The following CA10 variants were observed in gnomAD, a reference collection of about 807,000 sequenced individuals.
CA10 encodes carbonic anhydrase-related protein 10.
CA10 carries 14 observed loss-of-function variants against 44.2 expected under a neutral mutation model. The ratio of observed to expected loss-of-function variants is 0.32; its 90% CI spans 0.21 to 0.50. The LOEUF (loss-of-function observed/expected upper bound fraction) is 0.50. CA10 is among the 20% of genes least tolerant of loss of function. The pLI, the probability that CA10 is intolerant of heterozygous loss-of-function variation, is 0.99. For missense variants in CA10, 350 were observed against 409.7 expected (o/e 0.85, Z 1.26); for synonymous variants, 159 against 141.6 (o/e 1.12, Z -0.87).
At chr17:51,997,515 A>T (rs1405043823) in intron 2 of CA10, among the ~76,000 whole-genome samples, 1 of 152,112 alleles carries the variant, frequency 6.6e-6, no homozygotes, top group East Asian at 1.9e-4. Context: ...GGTTTCCAAG[A>T]GTTTTGTCTG....
intron 1 of CA10, among the ~76,000 whole-genome samples, chr17:52,126,522 C>T (rs1235595037): frequency 1.3e-5 from 2 of 152,148 alleles, no homozygotes; most frequent in African/African-American, 4.8e-5. Flanking sequence ...TACTGCTGTG[C>T]CCTTGAAAGC....
chr17:51,750,521 A>G (rs1204017820), intron 3 of CA10, among the ~76,000 whole-genome samples: 1 of 152,234 alleles, frequency 6.6e-6, no homozygotes. Context: ...TATTGTAAAA[A>G]AAATCTGTAA....
chr17:51,725,619 G>C (rs1916489278), intron 4 of CA10, among the ~76,000 whole-genome samples: 1 of 152,128 alleles, frequency 6.6e-6, no homozygotes, highest in Non-Finnish European at 1.5e-5. Context: ...ATGATTTTTG[G>C]TTTCTCTCTC....
At chr17:51,694,725 C>T (rs1414235056) in intron 4 of CA10, among the ~76,000 whole-genome samples, 2 of 151,896 alleles carry the variant, frequency 1.3e-5, no homozygotes, top group African/African-American at 4.8e-5. Flanking sequence ...TAAACTATAT[C>T]CCAAGGCTAA....
intron 1 of CA10, among the ~76,000 whole-genome samples, chr17:52,109,583 C>G (rs916672805): frequency 1.3e-5 from 2 of 152,156 alleles, no homozygotes; most frequent in African/African-American, 4.8e-5. Flanking sequence ...ACATTGTGTT[C>G]TCTCTGAGGA....
At chr17:52,114,493 C>T (rs192657947) in intron 1 of CA10, among the ~76,000 whole-genome samples, 1 of 152,206 alleles carries the variant, frequency 6.6e-6, no homozygotes, top group African/African-American at 2.4e-5. Context: ...GTCATTAGGG[C>T]CAAATGTGCT....
chr17:52,070,448 C>T (rs1197172774), intron 2 of CA10: 2 of 152,174 alleles, frequency 1.3e-5, no homozygotes, highest in Non-Finnish European at 2.9e-5. Context: ...CCTCACAAGG[C>T]TGATTTAGTC....
chr17:51,983,434 TAATA>T (rs1299581737), intron 2 of CA10, among the ~76,000 whole-genome samples: 1 of 151,884 alleles, frequency 6.6e-6, no homozygotes, highest in Admixed American at 6.6e-5. Flanking sequence ...TTGGAAATCT[TAATA>T]AATTATCTGT....
chr17:51,690,496 C>T (rs371116571), intron 4 of CA10, among the ~76,000 whole-genome samples: 4 of 152,142 alleles, frequency 2.6e-5, no homozygotes, highest in Non-Finnish European at 5.9e-5. Flanking sequence ...CTTGAATTAT[C>T]GCTCCCCTAT....
intron 4 of CA10, among the ~76,000 whole-genome samples, chr17:51,683,913 C>T (rs1021484362): frequency 2.0e-4 from 31 of 152,286 alleles, no homozygotes; most frequent in African/African-American, 7.2e-4. Flanking sequence ...TGTCAGAGAA[C>T]CTTCAGACTC....
intron 2 of CA10, among the ~76,000 whole-genome samples, chr17:51,964,346 A>T (rs995424184): frequency 3.9e-5 from 6 of 152,090 alleles, no homozygotes; most frequent in African/African-American, 1.4e-4. Flanking sequence ...ACAGCATTAG[A>T]TGGATCATCA....
chr17:51,975,075 A>G (rs1449399833), intron 2 of CA10, among the ~76,000 whole-genome samples: 1 of 152,136 alleles, frequency 6.6e-6, no homozygotes, highest in Non-Finnish European at 1.5e-5. Flanking sequence ...GCAGTAAGTT[A>G]AACATGCACA....
chr17:52,068,947 G>A lies in CA10; in HGVS notation c.136+3372C>T, dbSNP rs990068622. Among the ~76,000 whole-genome samples the A allele has an allele frequency of 3.9e-5, 6 of 152,304 alleles. No individual in the cohort carries two copies. In the South Asian group the frequency reaches 8.3e-4, roughly 21 times the overall value. On this transcript the variant is annotated intron_variant, in intron 2 of 8. Coordinates refer to ENST00000451037, the MANE Select transcript of CA10 (RefSeq NM_020178.5). Reference sequence around the variant, plus strand: ...TAAGAAATTGGCTCACATGATGGCTGGCAAGGATGATGTCTACAGCGTAAG... The same window carrying A: ...TAAGAAATTGGCTCACATGATGGCTAGCAAGGATGATGTCTACAGCGTAAG...
At chr17:51,700,232 A>G (rs111310756) in intron 4 of CA10, among the ~76,000 whole-genome samples, 1,946 of 152,240 alleles carry the variant, frequency 0.013, 55 homozygotes, top group African/African-American at 0.045. Context: ...AACAGGTCTC[A>G]CTGCTGTCTT....
At chr17:51,884,981 C>T (rs762035708) in intron 3 of CA10, among the ~76,000 whole-genome samples, 5 of 152,108 alleles carry the variant, frequency 3.3e-5, no homozygotes, top group Non-Finnish European at 5.9e-5. Context: ...AAATTAGTGC[C>T]CACCCTAATC....
intron 6 of CA10, among the ~76,000 whole-genome samples, chr17:51,646,126 T>G (rs1191191838): frequency 6.6e-6 from 1 of 152,198 alleles, no homozygotes; most frequent in Non-Finnish European, 1.5e-5. Context: ...TATCATTGAA[T>G]GCTTGTTTAT....
chr17:52,085,258 A>G (rs1667168779), intron 1 of CA10, among the ~76,000 whole-genome samples: 1 of 152,130 alleles, frequency 6.6e-6, no homozygotes, highest in South Asian at 2.1e-4. Flanking sequence ...GCCCTCAGTG[A>G]TTACTTAAAT....
At chr17:52,045,911 G>T (rs1221586035) in intron 2 of CA10, among the ~76,000 whole-genome samples, 2 of 151,886 alleles carry the variant, frequency 1.3e-5, no homozygotes, top group Non-Finnish European at 2.9e-5. Context: ...AAATGAACTA[G>T]ATATGAGTAA....
At chr17:52,009,804 G>T (rs1985723140) in intron 2 of CA10, among the ~76,000 whole-genome samples, 2 of 152,066 alleles carry the variant, frequency 1.3e-5, no homozygotes, top group South Asian at 4.1e-4. Context: ...TAAATCAGCA[G>T]AGTTAATAGA....
Sources: gnomAD v4.1 joint callset for allele counts (sites outside exome capture counted in the v4.1 genomes callset) on GRCh38, gnomAD v4.1.1 for gene constraint, MANE v1.5 for transcripts, NCBI Gene and HGNC (gene_info 2026-07-23, HGNC 2026-07-21) for gene names.